The following GDPD4 variants were observed in gnomAD, a reference collection of about 807,000 sequenced individuals.
The protein encoded by GDPD4 is glycerophosphodiester phosphodiesterase domain containing 4.
Under a neutral mutation model 67.8 loss-of-function variants are expected in GDPD4, and 60 were observed. The observed-to-expected ratio is 0.88, with a 90% CI of 0.72 to 1.10. The LOEUF (loss-of-function observed/expected upper bound fraction) is 1.10. GDPD4 is among the 50% of genes least tolerant of loss of function. GDPD4 has a pLI of 0.00. For synonymous variants in GDPD4, 212 were observed against 210.9 expected (o/e 1.00, Z -0.04); for missense variants, 623 against 613.9 (o/e 1.01, Z -0.16).
intron 4 of GDPD4, among the ~76,000 whole-genome samples, chr11:77,278,204 C>T (rs146060695): frequency 1.7e-3 from 253 of 152,262 alleles, no homozygotes; most frequent in African/African-American, 5.8e-3. Context: ...GATCCACCCG[C>T]CTCGGCCTCC....
chr11:77,251,271 T>G (rs1394284898), intron 11 of GDPD4, among the ~76,000 whole-genome samples: 1 of 152,074 alleles, frequency 6.6e-6, no homozygotes, highest in Non-Finnish European at 1.5e-5. Flanking sequence ...AAGGTTTGAT[T>G]TTTTTTTCTC....
At chr11:77,278,079 G>C (rs934542155) in intron 4 of GDPD4, among the ~76,000 whole-genome samples, 3 of 152,098 alleles carry the variant, frequency 2.0e-5, no homozygotes, top group African/African-American at 7.2e-5. Context: ...GTTCTAGTTT[G>C]ATTGCACTGT....
chr11:77,259,734 A>G (rs1950073123), intron 10 of GDPD4, among the ~76,000 whole-genome samples: 1 of 152,162 alleles, frequency 6.6e-6, no homozygotes, highest in Admixed American at 6.5e-5. Flanking sequence ...GCTAGAATTT[A>G]TGGGCTAGAG....
At chr11:77,258,349 T>C in intron 11 of GDPD4, 37 bp downstream of exon 11, 2 of 1,602,792 alleles carry the variant, frequency 1.2e-6, no homozygotes, top group Non-Finnish European at 1.7e-6. Context: ...TTACAAAAAT[T>C]CAATGCAGGT....
rs1446619477 is a variant in GDPD4, at chr11:77,276,237, G to T, written c.148-17C>A. On this transcript the variant is annotated splice_polypyrimidine_tract_variant and intron_variant, in intron 4 of 16. Coordinates refer to ENST00000315938, the MANE Select transcript of GDPD4 (RefSeq NM_182833.3). ...TCCAAGTAACTGCAAAAGCAAAGAA[G>T]AAAAAGAGAGTTATTTTGAAATCAC... The T allele has an allele frequency of 6.2e-7, 1 of 1,607,744 alleles. No individual in the cohort carries two copies. The highest frequency in any genetic ancestry group is 1.1e-5 in the South Asian group (1 of 90,948).
At chr11:77,294,212 T>C (rs1937875267) in intron 1 of GDPD4, among the ~76,000 whole-genome samples, 1 of 152,208 alleles carries the variant, frequency 6.6e-6, no homozygotes, top group Admixed American at 6.5e-5. Flanking sequence ...AACGTTATCT[T>C]AGTTTTAACG....
chr11:77,295,151 T>G (rs546033181), intron 1 of GDPD4, among the ~76,000 whole-genome samples: 13 of 151,288 alleles, frequency 8.6e-5, no homozygotes, highest in African/African-American at 1.9e-4. Flanking sequence ...TGTTGTTGTT[T>G]TTGTTTTTGT....
chr11:77,218,111 A>G (rs1221677262), intron 16 of GDPD4, among the ~76,000 whole-genome samples: 1 of 148,402 alleles, frequency 6.7e-6, no homozygotes, highest in African/African-American at 2.5e-5. Flanking sequence ...TTTTTTTGTC[A>G]GCTTTATAGG....
At chr11:77,247,667 T>A (rs1958805636) in intron 11 of GDPD4, among the ~76,000 whole-genome samples, 1 of 152,122 alleles carries the variant, frequency 6.6e-6, no homozygotes, top group Admixed American at 6.5e-5. Context: ...AAAAATAAGA[T>A]TAAAAGGTCC....
intron 15 of GDPD4, among the ~76,000 whole-genome samples, chr11:77,228,406 A>G (rs982078440): frequency 8.7e-5 from 13 of 148,918 alleles, no homozygotes; most frequent in African/African-American, 3.0e-4. Flanking sequence ...AGGCTGAGGC[A>G]GGAGAATCGC....
rs116683902 is a variant in GDPD4 at position 77,225,596 on chromosome 11, G to T, written c.1525+2268C>A. Among the ~76,000 whole-genome samples the T allele has an allele frequency of 3.9e-3, 591 of 152,064 alleles. 2 individuals carry two copies. Among genetic ancestry groups the T allele is most frequent in the African/African-American group, 0.013 (559 of 41,454 alleles). On this transcript the variant is annotated intron_variant, in intron 16 of 16. Transcript: ENST00000315938. ...GGAATAATCTTAAAATGTAGCCAGA[G>T]GAAAAAAGACACGTTACAAACAGAA... is the stretch of plus-strand genomic sequence containing the variant.
intron 4 of GDPD4, among the ~76,000 whole-genome samples, chr11:77,278,972 G>A (rs1014966797): frequency 1.3e-5 from 2 of 152,200 alleles, no homozygotes; most frequent in African/African-American, 2.4e-5. Context: ...AGATACTGCT[G>A]CTGTGAAGCT....
intron 12 of GDPD4, among the ~76,000 whole-genome samples, chr11:77,244,469 C>T (rs1033972100): frequency 6.6e-6 from 1 of 152,178 alleles, no homozygotes; most frequent in African/African-American, 2.4e-5. Context: ...AAGACTCATA[C>T]AAGCAAAGTA....
chr11:77,255,059 G>T (rs1958978882), intron 11 of GDPD4, among the ~76,000 whole-genome samples: 1 of 152,094 alleles, frequency 6.6e-6, no homozygotes, highest in South Asian at 2.1e-4. Flanking sequence ...AACCATATTT[G>T]AACCCCAGGT....
chr11:77,272,592 A>G (rs1194248538), intron 5 of GDPD4, among the ~76,000 whole-genome samples: 1 of 152,156 alleles, frequency 6.6e-6, no homozygotes, highest in Non-Finnish European at 1.5e-5. Flanking sequence ...CCTGGCCAAT[A>G]TGGTGAAACC....
rs368753721 is a variant in GDPD4, at chr11:77,245,304, C to A, written c.1063G>T (p.Ala355Ser). ...ACCAGATGTTGCTCGATTTTAGAGG[C>A]AAGGATCACGCTTACTACTTGGCGG... ...FVRQVVSVIL[A>S]SKIEQHLIFW... Residue 355 changes from alanine to serine, a missense_variant, in exon 12 of 17, where the codon GCC (alanine) becomes TCC (serine). Ala to Ser is a moderately conservative substitution (Grantham distance 99, BLOSUM62 1). Coordinates refer to ENST00000315938, the MANE Select transcript of GDPD4 (RefSeq NM_182833.3). The A allele has an allele frequency of 1.9e-6, 3 of 1,614,008 alleles. No homozygotes were observed. Among genetic ancestry groups the A allele is most frequent in the Non-Finnish European group, 2.5e-6 (3 of 1,180,002 alleles).
At position 77,217,283 on chromosome 11, in the gene GDPD4, A is replaced by G. The variant is rs1328504377; in HGVS notation, c.1557T>C (p.Asp519=). Residue 519 remains aspartate, a synonymous_variant, in exon 17 of 17, where the codon GAT becomes GAC. Transcript: ENST00000315938. ...DTQSGSKNEE[D]R ...TATGTGCAAATCTATCTATCTATCT[A>G]TCTTCCTCATTCTTACTTCCACTCT... is the stretch of plus-strand genomic sequence containing the variant. 6.2e-7 allele frequency: 1 copy of G among 1,606,544 alleles called. No homozygotes were observed. The highest frequency in any genetic ancestry group is 1.7e-5 in the Admixed American group (1 of 59,992).
At chr11:77,273,231 C>T (rs1959299959) in intron 5 of GDPD4, among the ~76,000 whole-genome samples, 1 of 152,078 alleles carries the variant, frequency 6.6e-6, no homozygotes, top group Non-Finnish European at 1.5e-5. Context: ...TTCTAGGCCT[C>T]GTGCTAATGC....
At chr11:77,243,023 T>C (rs1440973524) in intron 13 of GDPD4, among the ~76,000 whole-genome samples, 2 of 152,130 alleles carry the variant, frequency 1.3e-5, no homozygotes, top group African/African-American at 4.8e-5. Flanking sequence ...AAGGAAGACT[T>C]TGTCTCTAAA....
Sources: allele counts gnomAD v4.1 joint callset (sites outside exome capture counted in the v4.1 genomes callset), GRCh38; gene constraint gnomAD v4.1.1; transcripts MANE v1.5; gene names NCBI Gene and HGNC (gene_info 2026-07-23, HGNC 2026-07-21).